Variants in SPATA17 observed in about 807,000 individuals in gnomAD.
SPATA17 encodes spermatogenesis-associated protein 17.
SPATA17 carries 53 observed loss-of-function variants against 62.2 expected under a neutral mutation model. The ratio of observed to expected loss-of-function variants is 0.85; its 90% CI spans 0.68 to 1.07. The LOEUF is 1.07. Among genes scored for constraint, SPATA17 ranks in the 50% least tolerant of loss-of-function variants. The pLI, the probability that SPATA17 is intolerant of heterozygous loss-of-function variation, is 0.00. For missense variants in SPATA17, 466 were observed against 425.5 expected (o/e 1.10, Z -0.84); for synonymous variants, 146 against 146.8 (o/e 0.99, Z 0.04).
intron 6 of SPATA17, among the ~76,000 whole-genome samples, chr1:217,754,092 C>T (rs768664706): frequency 2.0e-5 from 3 of 151,844 alleles, no homozygotes; most frequent in Non-Finnish European, 4.4e-5. Flanking sequence ...ATTATCCAGG[C>T]AAGGTGGTGC....
intron 5 of SPATA17, among the ~76,000 whole-genome samples, chr1:217,698,811 A>G (rs1364822451): frequency 1.3e-5 from 2 of 152,092 alleles, no homozygotes; most frequent in Non-Finnish European, 2.9e-5. Context: ...GAACAGTTCC[A>G]TCTCCCTAAA....
intron 8 of SPATA17, among the ~76,000 whole-genome samples, chr1:217,793,982 G>A (rs930770077): frequency 2.0e-5 from 3 of 152,000 alleles, no homozygotes; most frequent in African/African-American, 7.2e-5. Context: ...TGGGTGTGGT[G>A]GCGGGCGCCT....
intron 9 of SPATA17, among the ~76,000 whole-genome samples, chr1:217,848,335 A>G (rs1465413625): frequency 1.3e-5 from 2 of 152,266 alleles, no homozygotes; most frequent in East Asian, 1.9e-4. Context: ...TGTGTTAGCC[A>G]TTGACCTTCA....
intron 3 of SPATA17, among the ~76,000 whole-genome samples, chr1:217,657,160 A>G (rs1473689325): frequency 6.6e-6 from 1 of 152,164 alleles, no homozygotes; most frequent in East Asian, 1.9e-4. Flanking sequence ...CAGAGCTGAT[A>G]TCCTTAGCAC....
chr1:217,749,609 A>G (rs1571778857), intron 6 of SPATA17, among the ~76,000 whole-genome samples: 1 of 152,112 alleles, frequency 6.6e-6, no homozygotes, highest in Admixed American at 6.6e-5. Context: ...CTTTCAAATC[A>G]GTCCCTTCAC....
At chr1:217,788,511 G>A (rs1673919216) in intron 8 of SPATA17, among the ~76,000 whole-genome samples, 1 of 152,118 alleles carries the variant, frequency 6.6e-6, no homozygotes, top group African/African-American at 2.4e-5. Flanking sequence ...GATTATCAGA[G>A]TGCGGCCAGT....
intron 9 of SPATA17, among the ~76,000 whole-genome samples, chr1:217,851,234 CCATT>C (rs1675658321): frequency 6.6e-6 from 1 of 151,920 alleles, no homozygotes; most frequent in Non-Finnish European, 1.5e-5. Context: ...AGAAAATGCA[CCATT>C]CAATGACAGT....
At chr1:217,645,516 A>C (rs775002467) in intron 1 of SPATA17, among the ~76,000 whole-genome samples, 2 of 152,184 alleles carry the variant, frequency 1.3e-5, no homozygotes, top group Non-Finnish European at 1.5e-5. Flanking sequence ...TCAGTAATTT[A>C]AATGGACTAT....
intron 8 of SPATA17, among the ~76,000 whole-genome samples, chr1:217,795,383 T>TC (rs1553252728): frequency 6.8e-6 from 1 of 147,178 alleles, no homozygotes; most frequent in Non-Finnish European, 1.5e-5. Flanking sequence ...TTTTTTTTTT[T>TC]TTTCGAGACA....
intron 8 of SPATA17, among the ~76,000 whole-genome samples, chr1:217,788,107 C>T (rs1039261308): frequency 6.6e-6 from 1 of 151,816 alleles, no homozygotes; most frequent in African/African-American, 2.4e-5. Context: ...GGAATGGAGT[C>T]GACAATCATA....
intron 9 of SPATA17, among the ~76,000 whole-genome samples, chr1:217,846,073 G>C (rs907270584): frequency 6.6e-6 from 1 of 152,048 alleles, no homozygotes; most frequent in Non-Finnish European, 1.5e-5. Flanking sequence ...CAGACTAACA[G>C]TTTTGAAAAT....
intron 8 of SPATA17, among the ~76,000 whole-genome samples, chr1:217,784,670 A>G (rs1013446984): frequency 6.6e-6 from 1 of 152,176 alleles, no homozygotes; most frequent in African/African-American, 2.4e-5. Flanking sequence ...TCTTAATAAA[A>G]GAGAATTATT....
At chr1:217,732,530 T>A (rs531198476) in intron 5 of SPATA17, among the ~76,000 whole-genome samples, 1 of 152,316 alleles carries the variant, frequency 6.6e-6, no homozygotes, top group Admixed American at 6.5e-5. Flanking sequence ...TTCTGAACTC[T>A]ACCCAAAACA....
At chr1:217,847,005 G>A (rs757946360) in intron 9 of SPATA17, among the ~76,000 whole-genome samples, 72 of 151,888 alleles carry the variant, frequency 4.7e-4, no homozygotes, top group Non-Finnish European at 8.0e-4. Context: ...CAGAACAAAA[G>A]TAGTGTAAGT....
At chr1:217,795,023 G>C (rs1170244140) in intron 8 of SPATA17, among the ~76,000 whole-genome samples, 1 of 152,144 alleles carries the variant, frequency 6.6e-6, no homozygotes, top group East Asian at 1.9e-4. Flanking sequence ...AACAGTCTCA[G>C]TAATAGGCTT....
At chr1:217,667,048 C>CTTTTT (rs1191694917) in intron 3 of SPATA17, among the ~76,000 whole-genome samples, 4 of 115,534 alleles carry the variant, frequency 3.5e-5, no homozygotes, top group Non-Finnish European at 5.3e-5. Context: ...TTTTTTTTTT[C>CTTTTT]TTTTTTTTTT....
chr1:217,681,780 T>G (rs1671090834), intron 4 of SPATA17, among the ~76,000 whole-genome samples: 2 of 152,200 alleles, frequency 1.3e-5, no homozygotes, highest in Non-Finnish European at 2.9e-5. Flanking sequence ...AATCAGAATT[T>G]AAGTAAAGAA....
intron 5 of SPATA17, among the ~76,000 whole-genome samples, chr1:217,740,420 T>C (rs1451685013): frequency 6.6e-6 from 1 of 152,170 alleles, no homozygotes; most frequent in Non-Finnish European, 1.5e-5. Flanking sequence ...ATGTGATTGT[T>C]ATTTTTCCCA....
chr1:217,681,958 T>C (rs1481561495), intron 4 of SPATA17, among the ~76,000 whole-genome samples: 1 of 151,210 alleles, frequency 6.6e-6, no homozygotes, highest in Non-Finnish European at 1.5e-5. Flanking sequence ...AGGGAAGACG[T>C]GTGTTCTCTT....
Sources: allele counts gnomAD v4.1 joint callset (sites outside exome capture counted in the v4.1 genomes callset), GRCh38; gene constraint gnomAD v4.1.1; transcripts MANE v1.5; gene names NCBI Gene and HGNC (gene_info 2026-07-23, HGNC 2026-07-21).